The following TMEM117 variants were observed in gnomAD, a reference collection of about 807,000 sequenced individuals.
TMEM117 encodes transmembrane protein 117.
A neutral mutation model predicts 52.4 loss-of-function variants in TMEM117; 27 were observed. The ratio of observed to expected loss-of-function variants is 0.51; its 90% CI spans 0.38 to 0.71. The LOEUF (loss-of-function observed/expected upper bound fraction) is 0.71. Among genes scored for constraint, TMEM117 ranks in the 30% least tolerant of loss-of-function variants. The probability of loss-of-function intolerance (pLI) is 0.00; values close to 1 mark genes in which losing one functional copy is unlikely to be tolerated. For synonymous variants in TMEM117, 215 were observed against 206.3 expected (o/e 1.04, Z -0.36); for missense variants, 556 against 630.5 (o/e 0.88, Z 1.26).
chr12:44,386,937 T>C (rs73092508), intron 7 of TMEM117, among the ~76,000 whole-genome samples: 5,032 of 152,152 alleles, frequency 0.033, 101 homozygotes, highest in Middle Eastern at 0.13. Context: ...TACATAATCA[T>C]ATGAAGCAGT....
chr12:44,060,389 A>G (rs1947121138), intron 3 of TMEM117, among the ~76,000 whole-genome samples: 2 of 152,178 alleles, frequency 1.3e-5, no homozygotes, highest in Non-Finnish European at 2.9e-5. Flanking sequence ...AATTTAAGTT[A>G]CAGTTGCGGG....
rs1440865197 is a variant in TMEM117 at position 44,230,003 on chromosome 12, T to C, written c.608+18616T>C. Among the ~76,000 whole-genome samples the C allele has an allele frequency of 2.0e-5, 3 of 152,146 alleles. No individual in the cohort carries two copies. In the East Asian group the frequency reaches 5.8e-4, roughly 29 times the overall value. On this transcript the variant is annotated intron_variant, in intron 5 of 7. Transcript: ENST00000266534. ...GTCACATTTCTGATGTATATGCTAA[T>C]GGTGTGTTTTCTCACACGTTATGTA...
In TMEM117 at chr12:44,283,031, G is replaced by A. The variant is rs576834551; in HGVS notation, c.609-16549G>A. Among the ~76,000 whole-genome samples the A allele has an allele frequency of 2.2e-4, 34 of 152,396 alleles. No individual in the cohort carries two copies. In the South Asian group the frequency reaches 6.0e-3, roughly 27 times the overall value. On this transcript the variant is annotated intron_variant, in intron 5 of 7. Transcript: ENST00000266534. ...AGCCCCAAACTTTGGCAGCTCCCAC[G>A]TGGTGTGGAGCCTGTGGGTACACAG...
intron 3 of TMEM117, among the ~76,000 whole-genome samples, chr12:44,004,525 T>C (rs1946164382): frequency 6.6e-6 from 1 of 152,160 alleles, no homozygotes; most frequent in African/African-American, 2.4e-5. Flanking sequence ...TCTCAGATCA[T>C]TGTAGGGAGG....
At chr12:44,052,989 G>A (rs1286115891) in intron 3 of TMEM117, among the ~76,000 whole-genome samples, 2 of 152,130 alleles carry the variant, frequency 1.3e-5, no homozygotes, top group Admixed American at 1.3e-4. Flanking sequence ...CAACCTTAGA[G>A]GTGGTGTCCA....
At chr12:44,073,105 AACAAAAAAACAACC>A (rs1299749412) in intron 3 of TMEM117, among the ~76,000 whole-genome samples, 1 of 151,430 alleles carries the variant, frequency 6.6e-6, no homozygotes, top group Non-Finnish European at 1.5e-5. Context: ...AAAAAAAAAC[AACAAAAAAACAACC>A]CACATTGTCT....
intron 3 of TMEM117, among the ~76,000 whole-genome samples, chr12:43,999,241 A>G (rs1445301109): frequency 1.3e-5 from 2 of 152,174 alleles, no homozygotes; most frequent in Admixed American, 6.5e-5. Context: ...ACTTAGTAAG[A>G]ATTCACTGAG....
intron 4 of TMEM117, among the ~76,000 whole-genome samples, chr12:44,155,040 T>C (rs963255874): frequency 6.6e-6 from 1 of 152,078 alleles, no homozygotes; most frequent in Admixed American, 6.6e-5. Context: ...GCTACTATTT[T>C]TGTCCAAATA....
chr12:44,043,712 G>A (rs1341393348), intron 3 of TMEM117, among the ~76,000 whole-genome samples: 3 of 152,144 alleles, frequency 2.0e-5, no homozygotes, highest in Non-Finnish European at 4.4e-5. Context: ...TAAAGTCCCA[G>A]TGGGCCCCTG....
At chr12:44,378,417 G>A (rs1469015897) in intron 7 of TMEM117, among the ~76,000 whole-genome samples, 2 of 152,138 alleles carry the variant, frequency 1.3e-5, no homozygotes, top group Non-Finnish European at 2.9e-5. Context: ...TTAAGAAGAT[G>A]AATATAAAAT....
At chr12:44,196,947 A>G (rs1244855618) in intron 4 of TMEM117, among the ~76,000 whole-genome samples, 1 of 152,194 alleles carries the variant, frequency 6.6e-6, no homozygotes, top group Non-Finnish European at 1.5e-5. Flanking sequence ...AGAAACAAAC[A>G]TCAAGCCTAT....
the TMEM117 span, among the ~76,000 whole-genome samples, chr12:43,803,450 A>C: frequency 1.3e-5 from 2 of 152,156 alleles, no homozygotes; most frequent in Non-Finnish European, 1.5e-5. Context: ...GCAGTTATTA[A>C]TAAAGGGGAG....
At chr12:44,063,732 C>T (rs1007298926) in intron 3 of TMEM117, among the ~76,000 whole-genome samples, 2 of 151,376 alleles carry the variant, frequency 1.3e-5, no homozygotes, top group African/African-American at 4.9e-5. Context: ...GTATTTTGTC[C>T]TTCCCTCTGT....
At chr12:43,960,489 A>G (rs1239069176) in intron 3 of TMEM117, among the ~76,000 whole-genome samples, 1 of 152,206 alleles carries the variant, frequency 6.6e-6, no homozygotes, top group Non-Finnish European at 1.5e-5. Flanking sequence ...CCAAATTATC[A>G]CGAGTTTAGT....
the TMEM117 span, among the ~76,000 whole-genome samples, chr12:43,796,067 G>A: frequency 6.6e-6 from 1 of 152,152 alleles, no homozygotes; most frequent in African/African-American, 2.4e-5. Context: ...ATTTACTCAT[G>A]ACCCTTTCAT....
At chr12:43,865,572 C>T (rs1008442446) in intron 2 of TMEM117, among the ~76,000 whole-genome samples, 2 of 152,020 alleles carry the variant, frequency 1.3e-5, no homozygotes, top group Non-Finnish European at 2.9e-5. Context: ...TGGTGCATGT[C>T]TGTAATTCCA....
chr12:44,289,133 CT>C (rs1196215484), intron 5 of TMEM117, among the ~76,000 whole-genome samples: 1 of 151,856 alleles, frequency 6.6e-6, no homozygotes, highest in Non-Finnish European at 1.5e-5. Flanking sequence ...CTATATCTGG[CT>C]TATTTTATTT....
In TMEM117 at chr12:43,844,821, A is replaced by C. The variant is rs2137356178; in HGVS notation, c.170A>C (p.Lys57Thr). 1.9e-6 allele frequency: 3 copies of C among 1,614,184 alleles called. No individual in the cohort carries two copies. In the East Asian group the frequency reaches 6.7e-5, roughly 36 times the overall value. ...VGNCFSFVTN[K>T]YPRGVGWRIL... ...AACTGTTTTTCATTTGTTACAAATA[A>C]ATACCCTAGAGGAGTTGGCTGGAGG... Residue 57 changes from lysine (K) to threonine (T), a missense_variant, in exon 2 of 8, where the codon AAA (lysine) becomes ACA (threonine). Coordinates refer to ENST00000266534, the MANE Select transcript of TMEM117 (RefSeq NM_032256.3).
intron 2 of TMEM117, among the ~76,000 whole-genome samples, chr12:43,850,437 A>T (rs1043246563): frequency 1.3e-5 from 2 of 152,226 alleles, no homozygotes; most frequent in East Asian, 3.8e-4. Flanking sequence ...CACATTCCAC[A>T]TACTGCAGGG....
Sources: gnomAD v4.1 joint callset for allele counts (sites outside exome capture counted in the v4.1 genomes callset) on GRCh38, gnomAD v4.1.1 for gene constraint, MANE v1.5 for transcripts, NCBI Gene and HGNC (gene_info 2026-07-23, HGNC 2026-07-21) for gene names.